The following COLGALT1 variants were observed in gnomAD, a reference collection of about 807,000 sequenced individuals.
The protein encoded by COLGALT1 is procollagen galactosyltransferase 1.
In COLGALT1, 43 loss-of-function variants were observed where a neutral mutation model predicts 60.8. The ratio of observed to expected loss-of-function variants is 0.71; its 90% CI spans 0.55 to 0.91. The LOEUF is 0.91. Among genes scored for constraint, COLGALT1 ranks in the 40% least tolerant of loss-of-function variants. The pLI, the probability that COLGALT1 is intolerant of heterozygous loss-of-function variation, is 0.00. For synonymous variants in COLGALT1, 369 were observed against 374.2 expected (o/e 0.99, Z 0.16); for missense variants, 845 against 880.0 (o/e 0.96, Z 0.50).
At chr19:17,572,120 G>A (rs970225215) in intron 5 of COLGALT1, among the ~76,000 whole-genome samples, 2 of 152,006 alleles carry the variant, frequency 1.3e-5, no homozygotes, top group Non-Finnish European at 2.9e-5. Context: ...GACCATCCTG[G>A]CTAACATGAT....
In COLGALT1 at chr19:17,563,219, C is replaced by T. The variant is rs375771199; in HGVS notation, c.489+2754C>T. ...TTTTTTTTTTTTTTTGAGACAGTGTCTCACTCTGTCGCCCAGGCTGGAGTG... is the reference window on the plus strand; with the variant it reads ...TTTTTTTTTTTTTTTGAGACAGTGTTTCACTCTGTCGCCCAGGCTGGAGTG... On this transcript the variant is annotated intron_variant, in intron 3 of 11. Transcript: ENST00000252599. Among the ~76,000 whole-genome samples, 309 of 118,860 alleles carry T rather than the reference C, an allele frequency of 2.6e-3. 2 individuals carry two copies. Among genetic ancestry groups the T allele is most frequent in the Middle Eastern group, 0.014 (2 of 144 alleles). The allele number at this position is 118,860 out of a possible 152,430, so 78.0% of individuals were successfully genotyped here.
At chr19:17,568,841 T>A (rs968704386) in intron 5 of COLGALT1, 128 bp downstream of exon 5, 27 of 870,252 alleles carry the variant, frequency 3.1e-5, no homozygotes, top group Middle Eastern at 2.6e-4. Context: ...TGACTTCAGG[T>A]GCAGCTGTAT....
At chr19:17,556,050 C>G (rs923351968) in intron 1 of COLGALT1, 77 bp downstream of exon 1, 3 of 1,251,332 alleles carry the variant, frequency 2.4e-6, no homozygotes, top group African/African-American at 3.1e-5. Flanking sequence ...TGGGTCCACG[C>G]GAGCCCCTGC....
chr19:17,572,632 G>A (rs2076319788), intron 6 of COLGALT1, 30 bp downstream of exon 6: 1 of 1,612,146 alleles, frequency 6.2e-7, no homozygotes, highest in Non-Finnish European at 8.5e-7. Context: ...GCCCTGGGAG[G>A]TGCCAGGTTG....
intron 9 of COLGALT1, among the ~76,000 whole-genome samples, chr19:17,578,572 G>A (rs975323253): frequency 6.6e-6 from 1 of 152,204 alleles, no homozygotes; most frequent in African/African-American, 2.4e-5. Context: ...CATCAGGGCC[G>A]GGCATGGTGG....
chr19:17,563,763 G>A (rs530716402), intron 3 of COLGALT1, among the ~76,000 whole-genome samples: 3 of 152,002 alleles, frequency 2.0e-5, no homozygotes, highest in Non-Finnish European at 4.4e-5. Flanking sequence ...AGTACTACTG[G>A]GATTACCGGT....
At position 17,559,363 on chromosome 19, in the gene COLGALT1, C is replaced by T. The variant is rs748594034; in HGVS notation, c.313C>T (p.Leu105=). 2.6e-6 allele frequency: 4 copies of T among 1,552,476 alleles called. No homozygotes were observed. In the South Asian group the frequency reaches 4.8e-5, roughly 18 times the overall value. The change falls in exon 2 of 12, where the codon CTG becomes TTG. Residue 105 remains leucine (L), a synonymous_variant. Coordinates refer to ENST00000252599, the MANE Select transcript of COLGALT1 (RefSeq NM_024656.4). The stretch of plus-strand genomic sequence containing the variant: ...CACGTCAACTGTGCTGCGGGAGTGG[C>T]TGGTGGCCGTGAAGAGTTTGTACCA... ...DNTSTVLREW[L]VAVKSLYHSV...
intron 11 of COLGALT1, 88 bp from the exon 12 acceptor site, chr19:17,581,089 C>T (rs1456353766): frequency 6.7e-6 from 10 of 1,489,352 alleles, no homozygotes; most frequent in East Asian, 2.3e-5. Context: ...AATCTGTCCC[C>T]GCTGACTTCT....
intron 3 of COLGALT1, among the ~76,000 whole-genome samples, chr19:17,564,068 C>G (rs573049896): frequency 2.0e-5 from 3 of 150,692 alleles, no homozygotes; most frequent in South Asian, 4.2e-4. Context: ...AGACCCCCCC[C>G]ATCTCTACAA....
intron 4 of COLGALT1, 95 bp from the exon 5 acceptor site, chr19:17,568,414 T>C (rs1333207862): frequency 6.5e-6 from 7 of 1,079,682 alleles, no homozygotes; most frequent in Non-Finnish European, 8.5e-6. Context: ...TGTGCCTGGC[T>C]GTCTGTCTGG....
intron 1 of COLGALT1, 90 bp from the exon 2 acceptor site, chr19:17,559,221 A>G: frequency 3.5e-6 from 3 of 848,156 alleles, no homozygotes; most frequent in Non-Finnish European, 5.9e-6. Flanking sequence ...GTGGGAGGCC[A>G]GTTGGGGATG....
At chr19:17,580,531 G>A (rs933155977) in intron 10 of COLGALT1, 168 bp from the exon 11 acceptor site, 9 of 655,872 alleles carry the variant, frequency 1.4e-5, no homozygotes, top group Admixed American at 5.6e-5. Flanking sequence ...CCCCATGACC[G>A]CCAGACCCCT....
rs1203966034 is a variant in COLGALT1 at position 17,572,588 on chromosome 19, A to G, written c.935A>G (p.Gln312Arg). Residue 312 changes from glutamine (Q) to arginine (R), a missense_variant, in exon 6 of 12, where the codon CAG becomes CGG. Physicochemically the swap from Gln to Arg is conservative, Grantham distance 43. Coordinates refer to ENST00000252599, the MANE Select transcript of COLGALT1 (RefSeq NM_024656.4). ...QDEAESFMHVQLEVMVKHPPA... is the reference protein window; with the variant it reads ...QDEAESFMHVRLEVMVKHPPA... ...GAGGCCGAGAGCTTCATGCATGTGC[A>G]GCTGGAGGTCATGGGTGAGTCTGCC... 4 of 1,613,946 alleles carry G rather than the reference A, an allele frequency of 2.5e-6. No individual in the cohort carries two copies. The Admixed American group carries it at 5.0e-5, about 20-fold the overall frequency.
chr19:17,578,114 C>T, intron 9 of COLGALT1, 25 bp downstream of exon 9: 1 of 1,576,944 alleles, frequency 6.3e-7, no homozygotes, highest in Non-Finnish European at 8.6e-7. Flanking sequence ...ATGGGCGGGG[C>T]CAGAGTTATG....
rs1281003207 is a variant in COLGALT1 at position 17,579,623 on chromosome 19, T to C, written c.1394+14T>C. The stretch of plus-strand genomic sequence containing the variant: ...CTGGGACCTCATGTGAGTGGGGGTC[T>C]GAGGATGGGGTGAAGCTGGGGCCTG... On this transcript the variant is annotated intron_variant, in intron 10 of 11. Coordinates refer to ENST00000252599, the MANE Select transcript of COLGALT1 (RefSeq NM_024656.4). 1.0e-5 allele frequency: 14 copies of C among 1,345,452 alleles called. No homozygotes were observed. Among genetic ancestry groups the C allele is most frequent in the South Asian group, 3.3e-5 (2 of 60,750 alleles). 83.3% of individuals were successfully genotyped at this position (1,345,452 alleles called of 1,614,324 possible). A position where few individuals can be genotyped will look rare whatever the true frequency, so the allele number is the denominator to read the frequency against.
chr19:17,565,895 T>TA (rs1160978397), intron 3 of COLGALT1: 2 of 152,190 alleles, frequency 1.3e-5, no homozygotes, highest in African/African-American at 4.8e-5. Flanking sequence ...GGGCTTGTCC[T>TA]AAGACCCAGC....
Position 17,579,413 on chromosome 19 carries a change from A to G in COLGALT1, c.1267-69A>G. 1.9e-6 allele frequency: 3 copies of G among 1,603,784 alleles called. No homozygotes were observed. The South Asian group carries it at 3.3e-5, about 18-fold the overall frequency. ...CGGGTCTTTCAAACCTTCTCAAAGC[A>G]AAGCTCTGTGCTTTAGGGTCAGGCC... On this transcript the variant is annotated intron_variant, in intron 9 of 11. Transcript: ENST00000252599.
At chr19:17,570,031 A>T (rs182372380) in intron 5 of COLGALT1, among the ~76,000 whole-genome samples, 155 of 149,402 alleles carry the variant, frequency 1.0e-3, no homozygotes, top group African/African-American at 3.7e-3. Context: ...CGTAGCTGGG[A>T]CTACAGGCAC....
intron 6 of COLGALT1, chr19:17,576,956 C>A: frequency 3.7e-6 from 2 of 543,888 alleles, no homozygotes. Context: ...GGCTGAGAGG[C>A]AGGACTGGGG....
Sources: allele counts gnomAD v4.1 joint callset (sites outside exome capture counted in the v4.1 genomes callset), GRCh38; gene constraint gnomAD v4.1.1; transcripts MANE v1.5; gene names NCBI Gene and HGNC (gene_info 2026-07-23, HGNC 2026-07-21).